ZMYM5: variants seen among roughly 807,000 people sequenced by gnomAD.
ZMYM5 encodes zinc finger MYM-type protein 5.
In ZMYM5, 41 loss-of-function variants were observed where a neutral mutation model predicts 61.8. The ratio of observed to expected loss-of-function variants is 0.66; its 90% CI spans 0.52 to 0.86. The LOEUF is 0.86. Among genes scored for constraint, ZMYM5 ranks in the 40% least tolerant of loss-of-function variants. ZMYM5 has a pLI of 0.00. For missense variants in ZMYM5, 706 were observed against 786.7 expected, an observed-to-expected ratio of 0.90 and a Z score of 1.23; for synonymous variants, 257 against 276.4, an observed-to-expected ratio of 0.93 and a Z score of 0.70.
At position 19,825,013 on chromosome 13, in the gene ZMYM5, A is replaced by C. The variant is rs771842703; in HGVS notation, c.1474T>G (p.Ser492Ala). 2.2e-6 allele frequency: 3 copies of C among 1,367,406 alleles called. No individual in the cohort carries two copies. The South Asian group carries it at 3.4e-5, about 16-fold the overall frequency. The allele number at this position is 1,367,406 out of a possible 1,614,324, so 84.7% of individuals were successfully genotyped here. ...IQENVNLPPS[S>A]TSTIADTFQE... ...AATGTATCAGCTATGGTTGACGTGG[A>C]AGAAGGAGGTAAATTCACATTCTCT... Residue 492 changes from serine to alanine, a missense_variant, in exon 8 of 8, where the codon TCC (serine) becomes GCC (alanine). Coordinates refer to ENST00000337963, the MANE Select transcript of ZMYM5 (RefSeq NM_001142684.2).
chr13:19,858,190 T>A, intron 2 of ZMYM5, among the ~76,000 whole-genome samples: 1 of 149,022 alleles, frequency 6.7e-6, no homozygotes, highest in Non-Finnish European at 1.5e-5. Context: ...GAGTTAGACC[T>A]GTCTCTAAAA....
chr13:19,836,648 T>C (rs1210496413), intron 6 of ZMYM5, among the ~76,000 whole-genome samples: 1 of 152,158 alleles, frequency 6.6e-6, no homozygotes, highest in Admixed American at 6.6e-5. Flanking sequence ...TAAAGTTCAC[T>C]GCCCTAGAAC....
chr13:19,837,812 A>T lies in ZMYM5; in HGVS notation c.882T>A (p.Ser294=). The T allele has an allele frequency of 6.3e-7, 1 of 1,588,360 alleles. No individual in the cohort carries two copies. Among genetic ancestry groups the T allele is most frequent in the Non-Finnish European group, 8.5e-7 (1 of 1,174,572 alleles). ...GAAGAATGACATTAGCCTTCTTTGT[A>T]GATGCATCTCTGAAACAGAAGGGAT... The part of the protein sequence containing the change: ...TRSIICKKDA[S]TKKANVILPV... The change falls in exon 6 of 8, where the codon TCT becomes TCA. Residue 294 remains serine (S), a synonymous_variant. Transcript: ENST00000337963.
intron 6 of ZMYM5, among the ~76,000 whole-genome samples, chr13:19,836,705 C>G (rs557719642): frequency 1.3e-5 from 2 of 152,138 alleles, no homozygotes; most frequent in African/African-American, 4.8e-5. Context: ...TATTCAGGAT[C>G]GTGTCTGTAT....
At chr13:19,833,590 T>C (rs141232132) in intron 7 of ZMYM5, among the ~76,000 whole-genome samples, 87 of 152,198 alleles carry the variant, frequency 5.7e-4, no homozygotes, top group African/African-American at 1.9e-3. Context: ...TCTAACACCA[T>C]ATACAAAATT....
chr13:19,827,883 G>C lies in ZMYM5; in HGVS notation c.1252-2648C>G, dbSNP rs373719669. Reference sequence around the variant, plus strand: ...AAATACAGAAAGTTAGCCAGGCGTAGTGGTGGGCGCCTGTAGTCCCAGCTA... The same window carrying C: ...AAATACAGAAAGTTAGCCAGGCGTACTGGTGGGCGCCTGTAGTCCCAGCTA... On this transcript the variant is annotated intron_variant, in intron 7 of 7. Coordinates refer to ENST00000337963, the MANE Select transcript of ZMYM5 (RefSeq NM_001142684.2). Among the ~76,000 whole-genome samples the C allele has an allele frequency of 3.2e-4, 48 of 152,044 alleles. No homozygotes were observed. The South Asian group carries it at 9.7e-3, about 31-fold the overall frequency.
intron 2 of ZMYM5, among the ~76,000 whole-genome samples, chr13:19,860,563 A>C (rs9508915): frequency 0.69 from 103,968 of 151,180 alleles, 38,420 homozygotes; most frequent in East Asian, 0.89. Flanking sequence ...TTGGCCTCCC[A>C]AAGTACTGAG....
At chr13:19,828,260 G>A (rs1159465833) in intron 7 of ZMYM5, among the ~76,000 whole-genome samples, 1 of 152,112 alleles carries the variant, frequency 6.6e-6, no homozygotes, top group Non-Finnish European at 1.5e-5. Flanking sequence ...GATCACCTGA[G>A]GTCAGGAGTT....
chr13:19,851,313 G>T, intron 4 of ZMYM5, 42 bp downstream of exon 4: 1 of 1,519,598 alleles, frequency 6.6e-7, no homozygotes, highest in Admixed American at 1.7e-5. Context: ...ACAGCCAAAG[G>T]CTTATTTACT....
chr13:19,844,044 A>G (rs1952989541), intron 4 of ZMYM5, among the ~76,000 whole-genome samples: 1 of 148,120 alleles, frequency 6.8e-6, no homozygotes, highest in African/African-American at 2.5e-5. Flanking sequence ...AGGCTGAGGC[A>G]GGAGAATGGC....
chr13:19,840,567 T>C (rs1272899815), intron 4 of ZMYM5, among the ~76,000 whole-genome samples: 3 of 152,026 alleles, frequency 2.0e-5, no homozygotes, highest in Admixed American at 6.6e-5. Flanking sequence ...AGAGGCAAGG[T>C]CTCACTATGT....
chr13:19,845,353 A>C (rs971725553), intron 4 of ZMYM5, among the ~76,000 whole-genome samples: 4 of 152,210 alleles, frequency 2.6e-5, no homozygotes, highest in Non-Finnish European at 4.4e-5. Flanking sequence ...CATTTGCATT[A>C]ATGATGGAAA....
chr13:19,859,389 T>A (rs1268126672), intron 2 of ZMYM5, among the ~76,000 whole-genome samples: 1 of 151,876 alleles, frequency 6.6e-6, no homozygotes, highest in Non-Finnish European at 1.5e-5. Flanking sequence ...TTAGTTCCCG[T>A]TTTTTGTTTG....
chr13:19,826,046 T>TAAAAAAAAAAAAA (rs56181038), intron 7 of ZMYM5, among the ~76,000 whole-genome samples: 3 of 118,890 alleles, frequency 2.5e-5, no homozygotes. Context: ...ACTCCATGCT[T>TAAAAAAAAAAAAA]AAAAAAAAAA....
At position 19,838,973 on chromosome 13, in the gene ZMYM5, G is replaced by C. The variant is rs1566092817; in HGVS notation, c.599C>G (p.Ser200Cys). 28 of 1,608,668 alleles carry C rather than the reference G, an allele frequency of 1.7e-5. No homozygotes were observed. Among genetic ancestry groups the C allele is most frequent in the Non-Finnish European group, 2.4e-5 (28 of 1,177,264 alleles). ...ATTACTGGGAAATGAAGCTGACTGG[G>C]AGATCCAAGAATCTTAAAAATGAAA... Reference protein sequence around the residue: ...ATHHSPDSWISQSASFPSNQK... With the variant: ...ATHHSPDSWICQSASFPSNQK... Residue 200 changes from serine (S) to cysteine (C), a missense_variant, in exon 5 of 8, where the codon TCC becomes TGC. This residue lies in a region of ZMYM5 where 480 missense variants were observed against 461.7 expected (regional missense o/e 1.04). Coordinates refer to ENST00000337963, the MANE Select transcript of ZMYM5 (RefSeq NM_001142684.2).
At chr13:19,851,515 A>C (rs1953295587) in intron 3 of ZMYM5, 67 bp from the exon 4 acceptor site, 8 of 1,579,238 alleles carry the variant, frequency 5.1e-6, no homozygotes, top group Non-Finnish European at 7.0e-6. Flanking sequence ...GAAGTCCTTT[A>C]GCGACATCTC....
At chr13:19,852,501 C>T (rs1953351389) in intron 2 of ZMYM5, among the ~76,000 whole-genome samples, 1 of 152,128 alleles carries the variant, frequency 6.6e-6, no homozygotes, top group African/African-American at 2.4e-5. Context: ...ATACCAATAA[C>T]TTAGGGTCCT....
chr13:19,837,216 A>G (rs7988231), intron 6 of ZMYM5, among the ~76,000 whole-genome samples: 17,284 of 151,670 alleles, frequency 0.11, 1,253 homozygotes, highest in African/African-American at 0.2. Context: ...ATTGGGTTTC[A>G]CCCTGTTGGC....
chr13:19,842,640 CTT>C (rs1224676783), intron 4 of ZMYM5, among the ~76,000 whole-genome samples: 1,733 of 135,670 alleles, frequency 0.013, 35 homozygotes, highest in African/African-American at 0.043. Context: ...ATGACTTAAG[CTT>C]TTTTTTTTTA....
Sources: allele counts gnomAD v4.1 joint callset (sites outside exome capture counted in the v4.1 genomes callset), GRCh38; gene constraint gnomAD v4.1.1; regional missense constraint gnomAD v4.1.1; transcripts MANE v1.5; gene names NCBI Gene and HGNC (gene_info 2026-07-23, HGNC 2026-07-21).